EIPR1: variants seen among roughly 807,000 people sequenced by gnomAD.
EIPR1 encodes EARP and GARP complex-interacting protein 1.
A neutral mutation model predicts 48.1 loss-of-function variants in EIPR1; 25 were observed. That is an observed-to-expected ratio of 0.52 (90% CI 0.38 to 0.73). The LOEUF is 0.73. EIPR1 is among the 30% of genes least tolerant of loss of function. The pLI is 0.00. For missense variants in EIPR1, 415 were observed against 506.2 expected, an observed-to-expected ratio of 0.82 and a Z score of 1.73; for synonymous variants, 204 against 201.9, an observed-to-expected ratio of 1.01 and a Z score of -0.09.
Position 3,189,729 on chromosome 2 carries a change from C to T in EIPR1, c.990-221G>A, listed in dbSNP as rs1664538355. Among the ~76,000 whole-genome samples the T allele has an allele frequency of 6.6e-6, 1 of 152,158 alleles. No homozygotes were observed. Among genetic ancestry groups the T allele is most frequent in the South Asian group, 2.1e-4 (1 of 4,830 alleles). ...CCTCACTGTCACTGTGAGGAGTGGG[C>T]ATTTCTCAAAAGGTTTATGGAAATC... On this transcript the variant is annotated intron_variant, in intron 8 of 8. Coordinates refer to ENST00000382125, the MANE Select transcript of EIPR1 (RefSeq NM_003310.5). This position sits in a 1 kb window ranked among gnomAD's most constrained non-coding sequence, Gnocchi z 4.6.
chr2:3,371,952 C>T (rs1415930661), intron 1 of EIPR1, among the ~76,000 whole-genome samples: 1 of 152,148 alleles, frequency 6.6e-6, no homozygotes, highest in African/African-American at 2.4e-5. Flanking sequence ...CCACGCCACA[C>T]CTATTCCAAA....
At chr2:3,259,831 T>C (rs534562433) in intron 3 of EIPR1, among the ~76,000 whole-genome samples, 169 of 152,378 alleles carry the variant, frequency 1.1e-3, no homozygotes, top group African/African-American at 3.8e-3. Flanking sequence ...GGAGAAAGGA[T>C]GGTCTTTTCA....
intron 4 of EIPR1, among the ~76,000 whole-genome samples, chr2:3,223,167 G>A (rs1665952273): frequency 6.6e-6 from 1 of 152,172 alleles, no homozygotes; most frequent in South Asian, 2.1e-4. Context: ...GAGAGATGTG[G>A]CCTACTTCCT....
At chr2:3,364,836 G>T (rs1462400362) in intron 1 of EIPR1, among the ~76,000 whole-genome samples, 3 of 152,192 alleles carry the variant, frequency 2.0e-5, no homozygotes, top group South Asian at 4.2e-4. Context: ...AAAATAGCAG[G>T]GTGGCTTGGA....
chr2:3,196,299 A>C (rs956117072), intron 6 of EIPR1, among the ~76,000 whole-genome samples: 2 of 152,220 alleles, frequency 1.3e-5, no homozygotes, highest in African/African-American at 4.8e-5. Context: ...GTATCTTAAA[A>C]AAGCTTGTGT....
intron 5 of EIPR1, among the ~76,000 whole-genome samples, chr2:3,210,614 T>A (rs1019168798): frequency 6.7e-6 from 1 of 148,588 alleles, no homozygotes; most frequent in Non-Finnish European, 1.5e-5. Context: ...TTCTCACTGT[T>A]TACCTCCCAA....
chr2:3,352,816 G>A (rs1383836339), intron 2 of EIPR1, among the ~76,000 whole-genome samples: 1 of 152,210 alleles, frequency 6.6e-6, no homozygotes, highest in Non-Finnish European at 1.5e-5. Flanking sequence ...GGCCAACGTG[G>A]TGAAACCCCG....
At chr2:3,270,627 A>G (rs1667676393) in intron 3 of EIPR1, among the ~76,000 whole-genome samples, 1 of 152,262 alleles carries the variant, frequency 6.6e-6, no homozygotes, top group South Asian at 2.1e-4. Context: ...TAAGTGTCCA[A>G]TAACATTATG....
intron 3 of EIPR1, among the ~76,000 whole-genome samples, chr2:3,295,702 C>A (rs1470180698): frequency 2.4e-5 from 3 of 126,104 alleles, no homozygotes; most frequent in African/African-American, 9.3e-5. Flanking sequence ...CCTCTCTCTG[C>A]ACACCCTCCA....
intron 5 of EIPR1, among the ~76,000 whole-genome samples, chr2:3,206,640 AT>A (rs1409928838): frequency 6.6e-6 from 1 of 152,232 alleles, no homozygotes; most frequent in Non-Finnish European, 1.5e-5. Context: ...CTACACAAAA[AT>A]CTAAGCTCTG....
chr2:3,237,090 G>A (rs1003354652), intron 4 of EIPR1, among the ~76,000 whole-genome samples: 50 of 152,274 alleles, frequency 3.3e-4, no homozygotes, highest in African/African-American at 1.1e-3. Flanking sequence ...GGAGGGATTA[G>A]ACTGAGTGAT....
intron 3 of EIPR1, among the ~76,000 whole-genome samples, chr2:3,278,199 G>A (rs1418078683): frequency 1.3e-5 from 2 of 152,176 alleles, no homozygotes; most frequent in Non-Finnish European, 1.5e-5. Flanking sequence ...AGATGGAAAC[G>A]AGAGGAGGGG....
intron 3 of EIPR1, among the ~76,000 whole-genome samples, chr2:3,292,472 C>T (rs898859606): frequency 6.6e-6 from 1 of 152,200 alleles, no homozygotes; most frequent in Non-Finnish European, 1.5e-5. Flanking sequence ...GACAGCCCCC[C>T]GTACCTCACA....
rs1668175260 is a variant in EIPR1, at chr2:3,286,021, CTGT to C, written c.260-28569_260-28567del. On this transcript the variant is annotated intron_variant, in intron 3 of 8. Transcript: ENST00000382125. The surrounding 1 kb of genome is among the most constrained non-coding windows in gnomAD (Gnocchi z 4.2). The stretch of plus-strand genomic sequence containing the variant: ...TGCCCTGAGGACATGGGGCAGCCGG[CTGT>C]AGGTGTTCCAGCTGTGGCTCCATCT... 6.6e-6 allele frequency among the ~76,000 whole-genome samples: 1 copy of C among 152,230 alleles called. No individual in the cohort carries two copies.
chr2:3,323,295 C>T (rs992896026), intron 3 of EIPR1, among the ~76,000 whole-genome samples: 12 of 152,208 alleles, frequency 7.9e-5, no homozygotes, highest in Admixed American at 2.0e-4. Context: ...AACGAGGCTT[C>T]TGGCAGGGAC....
chr2:3,208,633 T>C (rs748160125), intron 5 of EIPR1: 3 of 1,550,630 alleles, frequency 1.9e-6, no homozygotes, highest in South Asian at 2.4e-5. Context: ...GCCATGGCAT[T>C]CTGGTATGCT....
At position 3,312,535 on chromosome 2, in the gene EIPR1, C is replaced by A. The variant is rs529368291; in HGVS notation, c.259+25482G>T. 2.0e-5 allele frequency among the ~76,000 whole-genome samples: 3 copies of A among 152,282 alleles called. No individual in the cohort carries two copies. Among genetic ancestry groups the A allele is most frequent in the East Asian group, 1.9e-4 (1 of 5,184 alleles). ...TCCCATGGTCCTCCCAAGGCTCCCT[C>A]CCACCACTCAGCACCTGCTCATCAT... is the stretch of plus-strand genomic sequence containing the variant. On this transcript the variant is annotated intron_variant, in intron 3 of 8. Coordinates refer to ENST00000382125, the MANE Select transcript of EIPR1 (RefSeq NM_003310.5). This position sits in a 1 kb window ranked among gnomAD's most constrained non-coding sequence, Gnocchi z 5.5.
At chr2:3,252,108 T>C (rs1466112800) in intron 4 of EIPR1, among the ~76,000 whole-genome samples, 1 of 152,240 alleles carries the variant, frequency 6.6e-6, no homozygotes, top group Non-Finnish European at 1.5e-5. Context: ...ATATGGTTGT[T>C]GCAAAGCATT....
intron 3 of EIPR1, among the ~76,000 whole-genome samples, chr2:3,258,486 T>C (rs1244676550): frequency 3.0e-5 from 4 of 135,490 alleles, no homozygotes; most frequent in South Asian, 2.7e-4. Context: ...AAAAATATTA[T>C]ATATTGCGTT....
Sources: allele counts gnomAD v4.1 joint callset (sites outside exome capture counted in the v4.1 genomes callset), GRCh38; gene constraint gnomAD v4.1.1; non-coding constraint Gnocchi (gnomAD v3.1); transcripts MANE v1.5; gene names NCBI Gene and HGNC (gene_info 2026-07-23, HGNC 2026-07-21).